The following HECW1 variants were observed in gnomAD, a reference collection of about 807,000 sequenced individuals.
HECW1 encodes HECT, C2 and WW domain containing E3 ubiquitin protein ligase 1.
Under a neutral mutation model 182.3 loss-of-function variants are expected in HECW1, and 61 were observed. The observed-to-expected ratio is 0.33, with a 90% CI of 0.27 to 0.41. HECW1 has a LOEUF of 0.41. Ranked by LOEUF, HECW1 falls within the 10% of genes least tolerant of loss-of-function variation. The probability of loss-of-function intolerance (pLI) is 1.00; values close to 1 mark genes in which losing one functional copy is unlikely to be tolerated. For missense variants in HECW1, 1,739 were observed against 2,108.9 expected (o/e 0.82, Z 3.44); for synonymous variants, 859 against 832.6 (o/e 1.03, Z -0.55).
intron 6 of HECW1, among the ~76,000 whole-genome samples, chr7:43,365,198 T>G (rs1011822608): frequency 1.3e-5 from 2 of 152,254 alleles, no homozygotes; most frequent in Non-Finnish European, 2.9e-5. Flanking sequence ...GAGACTCTGA[T>G]GCAGTCTGAA....
chr7:43,466,816 CT>C (rs1332843375), intron 15 of HECW1, among the ~76,000 whole-genome samples: 1 of 151,996 alleles, frequency 6.6e-6, no homozygotes, highest in Non-Finnish European at 1.5e-5. Context: ...AGTGAAAGTG[CT>C]TTGGAAACAA....
At chr7:43,190,259 G>A (rs745944700) in intron 2 of HECW1, among the ~76,000 whole-genome samples, 6 of 152,148 alleles carry the variant, frequency 3.9e-5, no homozygotes, top group Non-Finnish European at 5.9e-5. Flanking sequence ...GATTACAGGC[G>A]TGTACCACCA....
chr7:43,490,703 G>A (rs1426722873), intron 17 of HECW1, among the ~76,000 whole-genome samples: 1 of 152,060 alleles, frequency 6.6e-6, no homozygotes, highest in African/African-American at 2.4e-5. Flanking sequence ...CTTTTACAAA[G>A]GTGATTTTTT....
chr7:43,280,726 A>T (rs1289097811), intron 3 of HECW1, among the ~76,000 whole-genome samples: 2 of 152,140 alleles, frequency 1.3e-5, no homozygotes, highest in Non-Finnish European at 2.9e-5. Context: ...CTTTGTTGGA[A>T]AGAGAACGAA....
At chr7:43,332,290 A>T (rs979731326) in intron 5 of HECW1, among the ~76,000 whole-genome samples, 6 of 152,208 alleles carry the variant, frequency 3.9e-5, no homozygotes, top group Admixed American at 1.3e-4. Context: ...TCACAGACAC[A>T]CGGAGCTGGA....
intron 26 of HECW1, among the ~76,000 whole-genome samples, chr7:43,546,626 A>AC (rs2081575993): frequency 1.4e-5 from 2 of 142,852 alleles, no homozygotes; most frequent in African/African-American, 2.6e-5. Context: ...CAAAAAAAAA[A>AC]AAACAAACAA....
At chr7:43,189,061 G>A (rs1445476960) in intron 2 of HECW1, among the ~76,000 whole-genome samples, 1 of 152,096 alleles carries the variant, frequency 6.6e-6, no homozygotes, top group Non-Finnish European at 1.5e-5. Context: ...CCTTTCTCAC[G>A]GTTGAGTTGA....
At chr7:43,123,170 G>A (rs186255499) in intron 2 of HECW1, among the ~76,000 whole-genome samples, 1 of 152,312 alleles carries the variant, frequency 6.6e-6, no homozygotes, top group Admixed American at 6.5e-5. Context: ...ACGCTGGGCT[G>A]GGGGCCATTA....
At chr7:43,545,827 G>A (rs1042715647) in intron 26 of HECW1, among the ~76,000 whole-genome samples, 4 of 135,450 alleles carry the variant, frequency 3.0e-5, no homozygotes, top group South Asian at 2.4e-4. Context: ...CGGGGTGGAG[G>A]AGGTGGAAGG....
chr7:43,303,336 C>T (rs989401633), intron 3 of HECW1, among the ~76,000 whole-genome samples: 1 of 126,556 alleles, frequency 7.9e-6, no homozygotes, highest in African/African-American at 2.9e-5. Flanking sequence ...CCACCCCACC[C>T]CCCGCCCCCC....
intron 2 of HECW1, among the ~76,000 whole-genome samples, chr7:43,180,769 G>C (rs544297099): frequency 2.0e-5 from 3 of 152,306 alleles, no homozygotes; most frequent in African/African-American, 7.2e-5. Context: ...CTCAGTACAT[G>C]TGCACATTGT....
At chr7:43,258,931 T>G (rs1800876242) in intron 3 of HECW1, among the ~76,000 whole-genome samples, 1 of 152,164 alleles carries the variant, frequency 6.6e-6, no homozygotes, top group South Asian at 2.1e-4. Flanking sequence ...AGTTTGTTTT[T>G]TTTGTTTTGT....
intron 3 of HECW1, among the ~76,000 whole-genome samples, chr7:43,294,245 G>C (rs1490842767): frequency 1.3e-5 from 2 of 152,226 alleles, no homozygotes; most frequent in African/African-American, 2.4e-5. Context: ...AGAGGCTCTG[G>C]TGCCTTTGGC....
At chr7:43,391,874 G>C (rs1408192050) in intron 6 of HECW1, among the ~76,000 whole-genome samples, 1 of 152,170 alleles carries the variant, frequency 6.6e-6, no homozygotes, top group Non-Finnish European at 1.5e-5. Flanking sequence ...TGGGCCTTTG[G>C]TTGGTTTGCT....
In HECW1 at chr7:43,444,992, C is replaced by T. The variant is rs200427298; in HGVS notation, c.1820C>T (p.Ala607Val). 3.3e-4 allele frequency: 521 copies of T among 1,555,232 alleles called. No individual in the cohort carries two copies. The highest frequency in any genetic ancestry group is 4.3e-4 in the Non-Finnish European group (497 of 1,149,434). ...GGGCTCAGCGAGGTGGACACGGTGGCCGCTGACCCGTCTGCCCTGGAAGAG... is the reference window on the plus strand; with the variant it reads ...GGGCTCAGCGAGGTGGACACGGTGGTCGCTGACCCGTCTGCCCTGGAAGAG... ...KDGLSEVDTV[A>V]ADPSALEEDR... is the part of the protein sequence containing the mutation. Residue 607 changes from alanine (A) to valine (V), a missense_variant, in exon 11 of 30, where the codon GCC (alanine) becomes GTC (valine). This residue lies in a region of HECW1 where 971 missense variants were observed against 1,029.1 expected (regional missense o/e 0.94). Coordinates refer to ENST00000395891, the MANE Select transcript of HECW1 (RefSeq NM_015052.5). This position sits in a 1 kb window ranked among gnomAD's most constrained non-coding sequence, Gnocchi z 4.3.
intron 4 of HECW1, among the ~76,000 whole-genome samples, chr7:43,318,260 G>A (rs1464723079): frequency 1.3e-5 from 2 of 152,198 alleles, no homozygotes; most frequent in Non-Finnish European, 2.9e-5. Flanking sequence ...TTCTACCTGG[G>A]TGTGAAACTT....
chr7:43,268,321 G>A (rs1802012246), intron 3 of HECW1, among the ~76,000 whole-genome samples: 1 of 152,248 alleles, frequency 6.6e-6, no homozygotes, highest in Non-Finnish European at 1.5e-5. Flanking sequence ...ACATGGCTCA[G>A]TGGAGAAGGG....
intron 2 of HECW1, among the ~76,000 whole-genome samples, chr7:43,123,320 G>A (rs1239861786): frequency 6.6e-6 from 1 of 152,150 alleles, no homozygotes; most frequent in Non-Finnish European, 1.5e-5. Flanking sequence ...AGAAATCATC[G>A]TGACATTCTT....
chr7:43,473,388 C>T (rs574968615), intron 16 of HECW1, among the ~76,000 whole-genome samples: 2 of 152,296 alleles, frequency 1.3e-5, no homozygotes, highest in East Asian at 3.9e-4. Context: ...AAAAGCCATT[C>T]TCCAGATGGA....
Sources: allele counts gnomAD v4.1 joint callset (sites outside exome capture counted in the v4.1 genomes callset), GRCh38; gene constraint gnomAD v4.1.1; regional missense constraint gnomAD v4.1.1; non-coding constraint Gnocchi (gnomAD v3.1); transcripts MANE v1.5; gene names NCBI Gene and HGNC (gene_info 2026-07-23, HGNC 2026-07-21).